The following TOR1AIP2 variants were observed in gnomAD, a reference collection of about 807,000 sequenced individuals.
The protein encoded by TOR1AIP2 is torsin-1A-interacting protein 2.
In TOR1AIP2, 20 loss-of-function variants were observed where a neutral mutation model predicts 32.6. That is an observed-to-expected ratio of 0.61 (90% CI 0.43 to 0.89). The LOEUF is 0.89. Among genes scored for constraint, TOR1AIP2 ranks in the 40% least tolerant of loss-of-function variants. TOR1AIP2 has a pLI of 0.00. For synonymous variants in TOR1AIP2, 214 were observed against 210.8 expected (o/e 1.02, Z -0.13); for missense variants, 456 against 553.8 (o/e 0.82, Z 1.77).
intron 2 of TOR1AIP2, among the ~76,000 whole-genome samples, chr1:179,866,211 G>A (rs1192607064): frequency 6.6e-6 from 1 of 151,602 alleles, no homozygotes. Context: ...CATAATGTAT[G>A]GGATAACATT....
chr1:179,862,376 G>A (rs1413137950), intron 3 of TOR1AIP2: 1 of 985,164 alleles, frequency 1.0e-6, no homozygotes, highest in African/African-American at 1.7e-5. Flanking sequence ...CTTTTTAGGA[G>A]GAGTTGTAGG....
At position 179,842,572 on chromosome 1, in the gene TOR1AIP2, A is replaced by C. The variant is rs1695753724; in HGVS notation, c.*3499T>G. ...CAATTCTGGGATTACTCAAGAAGTA[A>C]TTTATATTAATATACAGTGTAATGA... On this transcript the variant is annotated 3_prime_UTR_variant, in exon 7 of 7. Transcript: ENST00000609928. 6.6e-6 allele frequency: 1 copy of C among 152,192 alleles called. No individual in the cohort carries two copies. The highest frequency in any genetic ancestry group is 1.5e-5 in the Non-Finnish European group (1 of 68,028). 9.4% of individuals were successfully genotyped at this position (152,192 alleles called of 1,614,324 possible).
chr1:179,861,606 TTTAA>T (rs1237531124), intron 3 of TOR1AIP2: 7 of 985,288 alleles, frequency 7.1e-6, no homozygotes, highest in African/African-American at 7.0e-5. Flanking sequence ...TCCTGATTAG[TTTAA>T]TTAATGAGAA....
At chr1:179,875,124 C>T (rs1697144196) in intron 2 of TOR1AIP2, 1 of 152,544 alleles carries the variant, frequency 6.6e-6, no homozygotes, top group Non-Finnish European at 1.5e-5. Flanking sequence ...CTCAAGCCTC[C>T]CGAGAAGCTG....
At chr1:179,856,554 C>T (rs1196936348) in intron 3 of TOR1AIP2, among the ~76,000 whole-genome samples, 1 of 152,272 alleles carries the variant, frequency 6.6e-6, no homozygotes, top group East Asian at 1.9e-4. Context: ...TTGACAAATC[C>T]TCAGAAAAGG....
At chr1:179,875,143 G>C (rs997716673) in intron 2 of TOR1AIP2, 11 of 152,468 alleles carry the variant, frequency 7.2e-5, no homozygotes, top group African/African-American at 2.7e-4. Context: ...TGGGATTACA[G>C]GTGCCCGCCA....
intron 3 of TOR1AIP2, chr1:179,859,594 A>G: frequency 1.0e-6 from 1 of 985,312 alleles, no homozygotes; most frequent in Middle Eastern, 5.2e-4. Context: ...CCACTTCAGG[A>G]ATTTGTTTAT....
Position 179,846,047 on chromosome 1 carries a change from C to T in TOR1AIP2, c.*24G>A. 6.3e-7 allele frequency: 1 copy of T among 1,597,364 alleles called. No homozygotes were observed. Among genetic ancestry groups the T allele is most frequent in the Non-Finnish European group, 8.5e-7 (1 of 1,170,210 alleles). ...AAACTTTTTCATAAACATATACCTT[C>T]TGTAACCAACTCTGTGCTTAGCTTT... On this transcript the variant is annotated 3_prime_UTR_variant, in exon 7 of 7. Transcript: ENST00000609928.
Position 179,852,737 on chromosome 1 carries a change from T to C in TOR1AIP2, c.-72A>G. The stretch of plus-strand genomic sequence containing the variant: ...CTTGGTTTTCCTTGTGAAGATGTCT[T>C]GTTTTCTTCTTGTCCCAAGTCCCAA... On this transcript the variant is annotated 5_prime_UTR_variant, in exon 4 of 7. Coordinates refer to ENST00000609928, the MANE Select transcript of TOR1AIP2 (RefSeq NM_001199260.2). 1 of 1,608,916 alleles carries C rather than the reference T, an allele frequency of 6.2e-7. No homozygotes were observed. The highest frequency in any genetic ancestry group is 8.5e-7 in the Non-Finnish European group (1 of 1,176,972).
chr1:179,851,305 T>G lies in TOR1AIP2; in HGVS notation c.93A>C (p.Thr31=), dbSNP rs780482853. 6.2e-7 allele frequency: 1 copy of G among 1,605,380 alleles called. No homozygotes were observed. Among genetic ancestry groups the G allele is most frequent in the South Asian group, 1.1e-5 (1 of 90,804 alleles). The change falls in exon 5 of 7, where the codon ACA becomes ACC. Residue 31 remains threonine (T), a synonymous_variant. Coordinates refer to ENST00000609928, the MANE Select transcript of TOR1AIP2 (RefSeq NM_001199260.2). The stretch of plus-strand genomic sequence containing the variant: ...CTTCTTCAGCATTACTTGCTATGAT[T>G]GTGGTCTCCTGCGCCTGAGAATTTA... ...PSVNSQAQET[T]IIASNAEEAE...
chr1:179,846,283 C>G lies in TOR1AIP2; in HGVS notation c.1201G>C (p.Glu401Gln), dbSNP rs910195006. Reference protein sequence around the residue: ...DVALVLTVLLEEETLEASVGP... With the variant: ...DVALVLTVLLQEETLEASVGP... Reference sequence around the variant, plus strand: ...ACACTTGCTTCTAATGTTTCCTCCTCTAGCAGAACAGTCAGGACCAGGGCC... The same window carrying G: ...ACACTTGCTTCTAATGTTTCCTCCTGTAGCAGAACAGTCAGGACCAGGGCC... The change falls in exon 7 of 7, where the codon GAG (glutamate) becomes CAG (glutamine). Residue 401 changes from glutamate (E) to glutamine (Q), a missense_variant. Coordinates refer to ENST00000609928, the MANE Select transcript of TOR1AIP2 (RefSeq NM_001199260.2). 16 of 1,614,108 alleles carry G rather than the reference C, an allele frequency of 9.9e-6. No homozygotes were observed. The highest frequency in any genetic ancestry group is 1.3e-5 in the Non-Finnish European group (15 of 1,180,038).
intron 3 of TOR1AIP2, among the ~76,000 whole-genome samples, chr1:179,854,286 A>G (rs976393039): frequency 1.3e-5 from 2 of 152,186 alleles, no homozygotes; most frequent in African/African-American, 4.8e-5. Flanking sequence ...AACTTTAGAG[A>G]GAAAAATATA....
intron 2 of TOR1AIP2, chr1:179,873,558 TC>T (rs1697089395): frequency 1.3e-5 from 2 of 152,230 alleles, no homozygotes; most frequent in South Asian, 4.1e-4. Flanking sequence ...TACTATTTTT[TC>T]TTTGTAGTTA....
intron 2 of TOR1AIP2, chr1:179,875,714 A>G (rs1245865266): frequency 7.5e-6 from 1 of 133,940 alleles, no homozygotes; most frequent in South Asian, 2.3e-4. Flanking sequence ...CCATGGCACC[A>G]AAAAAAAAAA....
At chr1:179,865,330 ACCTC>A in intron 3 of TOR1AIP2, 102 bp downstream of exon 3, 1 of 925,730 alleles carries the variant, frequency 1.1e-6, no homozygotes, top group Non-Finnish European at 1.6e-6. Flanking sequence ...CTTGGCTTGC[ACCTC>A]CGTGCAATTC....
intron 3 of TOR1AIP2, chr1:179,860,603 T>C (rs1696484071): frequency 1.0e-6 from 1 of 985,340 alleles, no homozygotes; most frequent in African/African-American, 1.7e-5. Flanking sequence ...ATGTTTGGTA[T>C]ATGTTATTGC....
intron 2 of TOR1AIP2, among the ~76,000 whole-genome samples, chr1:179,872,801 G>A (rs1377920160): frequency 6.6e-6 from 1 of 152,220 alleles, no homozygotes; most frequent in Non-Finnish European, 1.5e-5. Flanking sequence ...ATTTCTGACA[G>A]TGGGTGGCAC....
At position 179,877,776 on chromosome 1, in the gene TOR1AIP2, T is replaced by G. The variant is rs1647452609; in HGVS notation, c.-784A>C. The G allele has an allele frequency of 6.6e-6, 1 of 152,260 alleles. No individual in the cohort carries two copies. The highest frequency in any genetic ancestry group is 1.5e-5 in the Non-Finnish European group (1 of 68,076). 9.4% of individuals were successfully genotyped at this position (152,260 alleles called of 1,614,324 possible). A position where few individuals can be genotyped will look rare whatever the true frequency, so the allele number is the denominator to read the frequency against. On this transcript the variant is annotated 5_prime_UTR_variant, in exon 1 of 7. Coordinates refer to ENST00000609928, the MANE Select transcript of TOR1AIP2 (RefSeq NM_001199260.2). ...TTCTCTCCGCTCCACACCGCTCGGC[T>G]GCACCCAGCGGCCGCCGCGGCCCGA...
intron 1 of TOR1AIP2, 53 bp downstream of exon 1, chr1:179,877,640 T>C (rs530972466): frequency 7.9e-5 from 12 of 152,346 alleles, no homozygotes; most frequent in Middle Eastern, 3.4e-3. Context: ...ATTCAAGATA[T>C]CAGTTTCAAT....
Sources: gnomAD v4.1 joint callset for allele counts (sites outside exome capture counted in the v4.1 genomes callset) on GRCh38, gnomAD v4.1.1 for gene constraint, MANE v1.5 for transcripts, NCBI Gene and HGNC (gene_info 2026-07-23, HGNC 2026-07-21) for gene names.